The following IQCH variants were observed in gnomAD, a reference collection of about 807,000 sequenced individuals.
The protein encoded by IQCH is IQ domain-containing protein H.
In IQCH, 98 loss-of-function variants were observed where a neutral mutation model predicts 117.0. The ratio of observed to expected loss-of-function variants is 0.84; its 90% CI spans 0.71 to 0.99. The LOEUF (loss-of-function observed/expected upper bound fraction) is 0.99. Among genes scored for constraint, IQCH ranks in the 50% least tolerant of loss-of-function variants. The pLI is 0.00. For missense variants in IQCH, 1,102 were observed against 1,243.8 expected (o/e 0.89, Z 1.72); for synonymous variants, 412 against 448.2 (o/e 0.92, Z 1.02).
In IQCH at chr15:67,474,241, C is replaced by G. The variant is rs930255073; in HGVS notation, c.2677-1455C>G. On this transcript the variant is annotated intron_variant, in intron 17 of 20. Coordinates refer to ENST00000335894, the MANE Select transcript of IQCH (RefSeq NM_001031715.3). This position sits in a 1 kb window ranked among gnomAD's most constrained non-coding sequence, Gnocchi z 4.1. ...GATTATAATGCATGTCAGGTCACTA[C>G]GATTCCTTACGGCCAGCTCCAGACC... 1.3e-5 allele frequency among the ~76,000 whole-genome samples: 2 copies of G among 152,082 alleles called. No homozygotes were observed.
rs1244347087 is a variant in IQCH at position 67,453,089 on chromosome 15, G to T, written c.2506-12038G>T. On this transcript the variant is annotated intron_variant, in intron 16 of 20. Coordinates refer to ENST00000335894, the MANE Select transcript of IQCH (RefSeq NM_001031715.3). The surrounding 1 kb of genome is among the most constrained non-coding windows in gnomAD (Gnocchi z 5.8). The stretch of plus-strand genomic sequence containing the variant: ...TTTCAGCTCCATCAGGTCCTTTAAG[G>T]ACTTCTCTGCATTGGTTATTCTAGT... Among the ~76,000 whole-genome samples the T allele has an allele frequency of 6.6e-6, 1 of 152,088 alleles. No individual in the cohort carries two copies. Among genetic ancestry groups the T allele is most frequent in the Non-Finnish European group, 1.5e-5 (1 of 68,022 alleles).
chr15:67,335,108 C>G (rs1968835005), intron 4 of IQCH, among the ~76,000 whole-genome samples: 1 of 152,068 alleles, frequency 6.6e-6, no homozygotes, highest in Admixed American at 6.6e-5. Context: ...ACCTCACTGC[C>G]TTTTCAGCAT....
chr15:67,363,009 A>G (rs1277999115), intron 8 of IQCH, among the ~76,000 whole-genome samples: 2 of 152,204 alleles, frequency 1.3e-5, no homozygotes, highest in Non-Finnish European at 2.9e-5. Context: ...AAAGGGCTGG[A>G]GAGAGGGCAG....
At position 67,411,588 on chromosome 15, in the gene IQCH, C is replaced by T. The variant is rs1174846065; in HGVS notation, c.2098-5343C>T. On this transcript the variant is annotated intron_variant, in intron 14 of 20. Coordinates refer to ENST00000335894, the MANE Select transcript of IQCH (RefSeq NM_001031715.3). This position sits in a 1 kb window ranked among gnomAD's most constrained non-coding sequence, Gnocchi z 4.4. ...ATTAACCAAAAAGTTATTAATTCAC[C>T]ACTGCAGATTGGCACATGACCCAAT... Among the ~76,000 whole-genome samples the T allele has an allele frequency of 6.6e-6, 1 of 152,126 alleles. No homozygotes were observed. The highest frequency in any genetic ancestry group is 1.9e-4 in the East Asian group (1 of 5,194).
rs1281445612 is a variant in IQCH at position 67,479,369 on chromosome 15, T to G, written c.2799+3551T>G. Among the ~76,000 whole-genome samples, 1 of 152,202 alleles carries G rather than the reference T, an allele frequency of 6.6e-6. No homozygotes were observed. Among genetic ancestry groups the G allele is most frequent in the Non-Finnish European group, 1.5e-5 (1 of 68,032 alleles). On this transcript the variant is annotated intron_variant, in intron 18 of 20. Transcript: ENST00000335894. The surrounding 1 kb of genome is among the most constrained non-coding windows in gnomAD (Gnocchi z 4.6). ...CCGTAATTGTCTACAAAGTCAAGCA[T>G]GATTCTTCGTCTTACACAAGGTGTC...
At chr15:67,452,415 G>T (rs1489872172) in intron 16 of IQCH, among the ~76,000 whole-genome samples, 1 of 152,148 alleles carries the variant, frequency 6.6e-6, no homozygotes, top group East Asian at 1.9e-4. Flanking sequence ...TTTAGGGCTG[G>T]CCTGGTGGTG....
chr15:67,464,704 G>T (rs1239848742), intron 16 of IQCH, among the ~76,000 whole-genome samples: 1 of 152,176 alleles, frequency 6.6e-6, no homozygotes, highest in Admixed American at 6.5e-5. Flanking sequence ...AGGGCAAACT[G>T]CCCTTTCTCA....
intron 6 of IQCH, among the ~76,000 whole-genome samples, chr15:67,351,395 T>C (rs886516161): frequency 1.3e-5 from 2 of 152,188 alleles, no homozygotes; most frequent in African/African-American, 4.8e-5. Context: ...GAATAGACCA[T>C]AGTTAATTTA....
chr15:67,458,013 T>C lies in IQCH; in HGVS notation c.2506-7114T>C, dbSNP rs1217151494. Among the ~76,000 whole-genome samples, 3 of 152,242 alleles carry C rather than the reference T, an allele frequency of 2.0e-5. No homozygotes were observed. Among genetic ancestry groups the C allele is most frequent in the Admixed American group, 2.0e-4 (3 of 15,286 alleles). ...CACTTCTCACCAATCCAGGAGAATC[T>C]TGAGCCCCAGGCCCAGAAGTGAGAG... On this transcript the variant is annotated intron_variant, in intron 16 of 20. Coordinates refer to ENST00000335894, the MANE Select transcript of IQCH (RefSeq NM_001031715.3). This position sits in a 1 kb window ranked among gnomAD's most constrained non-coding sequence, Gnocchi z 4.1.
rs1484818775 is a variant in IQCH, at chr15:67,494,329, T to C, written c.2933T>C (p.Ile978Thr). The C allele has an allele frequency of 1.9e-6, 3 of 1,613,318 alleles. No individual in the cohort carries two copies. The highest frequency in any genetic ancestry group is 2.2e-5 in the East Asian group (1 of 44,838). The change falls in exon 20 of 21, where the codon ATA (isoleucine) becomes ACA (threonine). Residue 978 changes from isoleucine (I) to threonine (T), a missense_variant. By Grantham distance (89) the Ile-to-Thr change is moderately conservative. Around this residue, in one of 2 missense-constraint regions of IQCH, gnomAD observed 650 missense variants for 794.3 expected, o/e 0.82. Transcript: ENST00000335894. This position sits in a 1 kb window ranked among gnomAD's most constrained non-coding sequence, Gnocchi z 5.5. ...ARHLFIIHQE[I>T]SAPNMQGETN... ...CATCTCTTCATCATCCATCAAGAAA[T>C]ATCAGCACCTAATATGCAAGGCGAG...
At chr15:67,498,578 T>C (rs1459114712) in intron 20 of IQCH, among the ~76,000 whole-genome samples, 3 of 148,454 alleles carry the variant, frequency 2.0e-5, no homozygotes, top group Non-Finnish European at 4.4e-5. Flanking sequence ...ATTGCACCAC[T>C]GCACTCCAGC....
chr15:67,455,184 G>C (rs1189722778), intron 16 of IQCH, among the ~76,000 whole-genome samples: 2 of 152,164 alleles, frequency 1.3e-5, no homozygotes, highest in Non-Finnish European at 2.9e-5. Flanking sequence ...AGCAAAGATT[G>C]ATTGGGCACT....
chr15:67,468,955 C>T (rs769649529), intron 17 of IQCH, among the ~76,000 whole-genome samples: 1 of 152,230 alleles, frequency 6.6e-6, no homozygotes, highest in Non-Finnish European at 1.5e-5. Flanking sequence ...TTCCACACTT[C>T]AAGTGCTGGA....
chr15:67,294,671 T>C (rs993559102), intron 4 of IQCH, among the ~76,000 whole-genome samples: 9 of 152,192 alleles, frequency 5.9e-5, no homozygotes, highest in Non-Finnish European at 1.3e-4. Context: ...CTGATGATTG[T>C]AGAGCAGAAA....
chr15:67,475,862 T>C lies in IQCH; in HGVS notation c.2799+44T>C. On this transcript the variant is annotated intron_variant, in intron 18 of 20. Coordinates refer to ENST00000335894, the MANE Select transcript of IQCH (RefSeq NM_001031715.3). The surrounding 1 kb of genome is among the most constrained non-coding windows in gnomAD (Gnocchi z 5.7). ...GGCCAGGGGCGGCCAAAGACATGCC[T>C]GTGGGTGATCTAGGTAGCTAATAAT... 1 of 1,561,698 alleles carries C rather than the reference T, an allele frequency of 6.4e-7. No individual in the cohort carries two copies. The highest frequency in any genetic ancestry group is 1.4e-5 in the African/African-American group (1 of 73,916).
chr15:67,263,214 A>G lies in IQCH; in HGVS notation c.267A>G (p.Lys89=). Reference sequence around the variant, plus strand: ...GCTTATATACTCCCCAGGCTTCCAAATGGTAAGTAAAATAGCCATTTAGAG... The same window carrying G: ...GCTTATATACTCCCCAGGCTTCCAAGTGGTAAGTAAAATAGCCATTTAGAG... ...DESLYTPQAS[K]WLLPTVIDQK... is the part of the protein sequence containing the mutation. The change falls in exon 3 of 21, where the codon AAA becomes AAG. Residue 89 remains lysine (K), a splice_region_variant and synonymous_variant. Transcript: ENST00000335894. The G allele has an allele frequency of 1.3e-6, 2 of 1,505,546 alleles. No homozygotes were observed. The highest frequency in any genetic ancestry group is 1.8e-6 in the Non-Finnish European group (2 of 1,084,798). 93.3% of individuals were successfully genotyped at this position (1,505,546 alleles called of 1,614,324 possible). A position where few individuals can be genotyped will look rare whatever the true frequency, so the allele number is the denominator to read the frequency against.
chr15:67,297,746 A>G (rs1966863979), intron 4 of IQCH, among the ~76,000 whole-genome samples: 1 of 152,174 alleles, frequency 6.6e-6, no homozygotes, highest in Admixed American at 6.5e-5. Context: ...CATTTTACCT[A>G]AACAGTTTCC....
At chr15:67,291,511 C>A (rs771176228) in intron 4 of IQCH, among the ~76,000 whole-genome samples, 5 of 152,146 alleles carry the variant, frequency 3.3e-5, no homozygotes, top group Non-Finnish European at 5.9e-5. Flanking sequence ...TATGATACAG[C>A]AATGTACATT....
chr15:67,487,166 C>G (rs572982129), intron 18 of IQCH, among the ~76,000 whole-genome samples: 1 of 152,296 alleles, frequency 6.6e-6, no homozygotes, highest in South Asian at 2.1e-4. Context: ...AACCTCATCT[C>G]TACTAAAAAT....
Sources: allele counts gnomAD v4.1 joint callset (sites outside exome capture counted in the v4.1 genomes callset), GRCh38; gene constraint gnomAD v4.1.1; regional missense constraint gnomAD v4.1.1; non-coding constraint Gnocchi (gnomAD v3.1); transcripts MANE v1.5; gene names NCBI Gene and HGNC (gene_info 2026-07-23, HGNC 2026-07-21).